The following PLAA variants were observed in gnomAD, a reference collection of about 807,000 sequenced individuals.
PLAA encodes the protein phospholipase A2 activating protein.
PLAA carries 48 observed loss-of-function variants against 84.1 expected under a neutral mutation model. The ratio of observed to expected loss-of-function variants is 0.57; its 90% CI spans 0.45 to 0.73. The LOEUF is 0.73. Among genes scored for constraint, PLAA ranks in the 30% least tolerant of loss-of-function variants. The pLI, the probability that PLAA is intolerant of heterozygous loss-of-function variation, is 0.00. For synonymous variants in PLAA, 392 were observed against 336.6 expected (o/e 1.16, Z -1.80); for missense variants, 903 against 954.7 (o/e 0.95, Z 0.71).
At position 26,906,079 on chromosome 9, in the gene PLAA, A is replaced by C; in HGVS notation, c.1823-3T>G. On this transcript the variant is annotated splice_polypyrimidine_tract_variant and splice_region_variant and intron_variant, in intron 13 of 13. Coordinates refer to ENST00000397292, the MANE Select transcript of PLAA (RefSeq NM_001031689.3). ...GTCAAGTGCAGGAAAGACAATATCT[A>C]TTAAAAAAAAAAAGTCATTAATGCT... The C allele has an allele frequency of 2.7e-6, 4 of 1,458,964 alleles. No homozygotes were observed. Among genetic ancestry groups the C allele is most frequent in the Non-Finnish European group, 3.6e-6 (4 of 1,098,822 alleles). 90.4% of individuals were successfully genotyped at this position (1,458,964 alleles called of 1,614,324 possible).
chr9:26,921,516 G>C (rs983084977), intron 7 of PLAA, among the ~76,000 whole-genome samples: 1 of 152,134 alleles, frequency 6.6e-6, no homozygotes, highest in African/African-American at 2.4e-5. Flanking sequence ...TATTTTGGTT[G>C]ACTACAAAAA....
At chr9:26,908,933 C>T (rs562448385) in intron 12 of PLAA, among the ~76,000 whole-genome samples, 1 of 152,292 alleles carries the variant, frequency 6.6e-6, no homozygotes, top group Admixed American at 6.5e-5. Flanking sequence ...TAAATGCCTA[C>T]TGATAACATT....
In PLAA at chr9:26,923,317, T is replaced by G; in HGVS notation, c.900A>C (p.Ser300=). 1.9e-6 allele frequency: 3 copies of G among 1,613,050 alleles called. No individual in the cohort carries two copies. The highest frequency in any genetic ancestry group is 1.7e-6 in the Non-Finnish European group (2 of 1,179,338). The part of the protein sequence containing the change: ...SDGIIRVFTE[S]EDRTASAEEI... Reference sequence around the variant, plus strand: ...CTTCAGCACTTGCTGTTCGATCTTCTGATTCTGTAAACACTCTAATAATGC... The same window carrying G: ...CTTCAGCACTTGCTGTTCGATCTTCGGATTCTGTAAACACTCTAATAATGC... The change falls in exon 7 of 14, where the codon TCA becomes TCC. Residue 300 remains serine, a synonymous_variant. Coordinates refer to ENST00000397292, the MANE Select transcript of PLAA (RefSeq NM_001031689.3).
intron 4 of PLAA, 132 bp from the exon 5 acceptor site, chr9:26,926,692 T>G (rs981777585): frequency 2.0e-5 from 13 of 651,610 alleles, no homozygotes; most frequent in Non-Finnish European, 3.1e-5. Flanking sequence ...AATCTTTTTT[T>G]TTGTTGAAAG....
intron 1 of PLAA, among the ~76,000 whole-genome samples, chr9:26,937,270 G>A (rs7023230): frequency 0.11 from 17,181 of 152,152 alleles, 1,086 homozygotes; most frequent in South Asian, 0.23. Context: ...GAAAGTGAAA[G>A]TGCATGCCCA....
chr9:26,935,202 T>A lies in PLAA; in HGVS notation c.154A>T (p.Asn52Tyr). 1 of 1,554,196 alleles carries A rather than the reference T, an allele frequency of 6.4e-7. No individual in the cohort carries two copies. Among genetic ancestry groups the A allele is most frequent in the Non-Finnish European group, 8.6e-7 (1 of 1,156,884 alleles). ...TTRLWAPDSPNRSFTEMHCMS... is the reference protein window; with the variant it reads ...TTRLWAPDSPYRSFTEMHCMS... ...CAGTGCATTTCTGTAAAGCTCCTGT[T>A]TGGACTGGAAAGACAAGATAATTAA... is the stretch of plus-strand genomic sequence containing the variant. Residue 52 changes from asparagine to tyrosine, a missense_variant, in exon 2 of 14, where the codon AAC becomes TAC. By Grantham distance (143) the Asn-to-Tyr change is moderately radical. Transcript: ENST00000397292.
At chr9:26,944,589 T>A (rs1825631374) in intron 1 of PLAA, among the ~76,000 whole-genome samples, 1 of 151,160 alleles carries the variant, frequency 6.6e-6, no homozygotes, top group Non-Finnish European at 1.5e-5. Flanking sequence ...CTGATGAGCA[T>A]TTTTAAAAAA....
intron 4 of PLAA, among the ~76,000 whole-genome samples, chr9:26,927,127 C>CTTTTCTTTTT (rs1554659726): frequency 7.3e-6 from 1 of 136,784 alleles, no homozygotes; most frequent in Non-Finnish European, 1.5e-5. Flanking sequence ...TTTTGTTTTT[C>CTTTTCTTTTT]TTTTTTTTTT....
intron 1 of PLAA, among the ~76,000 whole-genome samples, chr9:26,938,627 G>A (rs1488013777): frequency 1.3e-5 from 2 of 150,244 alleles, no homozygotes; most frequent in Non-Finnish European, 2.9e-5. Flanking sequence ...AATGCTTAAA[G>A]GAGCCTTCTC....
At chr9:26,915,958 CCTTA>C in intron 10 of PLAA, 1 of 985,412 alleles carries the variant, frequency 1.0e-6, no homozygotes, top group Non-Finnish European at 1.2e-6. Flanking sequence ...CTCTTCAGAT[CCTTA>C]CTACCATTTG....
chr9:26,927,889 A>T (rs1214144229), intron 4 of PLAA, among the ~76,000 whole-genome samples: 1 of 152,208 alleles, frequency 6.6e-6, no homozygotes, highest in Non-Finnish European at 1.5e-5. Flanking sequence ...ACAGCTATTT[A>T]TCAGTCTACA....
At chr9:26,917,954 C>T (rs966469444) in intron 9 of PLAA, among the ~76,000 whole-genome samples, 3 of 152,194 alleles carry the variant, frequency 2.0e-5, no homozygotes, top group African/African-American at 7.2e-5. Context: ...AAATAGCTTA[C>T]ACAGTACTAC....
At chr9:26,909,104 C>CT (rs1421309190) in intron 12 of PLAA, among the ~76,000 whole-genome samples, 2 of 152,084 alleles carry the variant, frequency 1.3e-5, no homozygotes, top group African/African-American at 4.8e-5. Flanking sequence ...TGTATCATGA[C>CT]TTTGAGTTAC....
intron 1 of PLAA, among the ~76,000 whole-genome samples, chr9:26,939,375 G>A (rs1297967071): frequency 6.7e-6 from 1 of 149,432 alleles, no homozygotes; most frequent in African/African-American, 2.5e-5. Context: ...GCCACAGACT[G>A]AAACTCCGTC....
At chr9:26,943,619 C>G (rs550180145) in intron 1 of PLAA, among the ~76,000 whole-genome samples, 27 of 152,228 alleles carry the variant, frequency 1.8e-4, no homozygotes, top group African/African-American at 6.0e-4. Context: ...CGACTTCACT[C>G]CAAACATTTA....
At chr9:26,930,106 A>ATTTTTT (rs746808419) in intron 2 of PLAA, among the ~76,000 whole-genome samples, 1 of 140,156 alleles carries the variant, frequency 7.1e-6, no homozygotes. Flanking sequence ...TATTATTATT[A>ATTTTTT]TTTTTTTTTT....
Position 26,906,046 on chromosome 9 carries a change from C to T in PLAA, c.1853G>A (p.Arg618Gln), listed in dbSNP as rs765544884. 6.4e-7 allele frequency: 1 copy of T among 1,570,270 alleles called. No individual in the cohort carries two copies. The highest frequency in any genetic ancestry group is 8.7e-7 in the Non-Finnish European group (1 of 1,155,472). The change falls in exon 14 of 14, where the codon CGG becomes CAG. Residue 618 changes from arginine to glutamine, a missense_variant. Arg to Gln is a conservative substitution (Grantham distance 43). Coordinates refer to ENST00000397292, the MANE Select transcript of PLAA (RefSeq NM_001031689.3). The stretch of plus-strand genomic sequence containing the variant: ...CACACTGGGGTGTTTAATTGACAAC[C>T]GAAGAATGTCAAGTGCAGGAAAGAC... ...DIVFPALDIL[R>Q]LSIKHPSVNE...
chr9:26,941,523 C>T (rs895862998), intron 1 of PLAA, among the ~76,000 whole-genome samples: 2 of 152,080 alleles, frequency 1.3e-5, no homozygotes, highest in African/African-American at 4.8e-5. Flanking sequence ...TAACACTGAG[C>T]ACACAATAAA....
At chr9:26,935,659 T>C (rs556823055) in intron 1 of PLAA, among the ~76,000 whole-genome samples, 28 of 152,246 alleles carry the variant, frequency 1.8e-4, no homozygotes, top group Admixed American at 1.0e-3. Flanking sequence ...CCCAGTAGTA[T>C]AGTACAGCAT....
Sources: gnomAD v4.1 joint callset for allele counts (sites outside exome capture counted in the v4.1 genomes callset) on GRCh38, gnomAD v4.1.1 for gene constraint, MANE v1.5 for transcripts, NCBI Gene and HGNC (gene_info 2026-07-23, HGNC 2026-07-21) for gene names.